Variants in AUTS2 observed in about 807,000 individuals in gnomAD.
The protein encoded by AUTS2 is autism susceptibility gene 2 protein.
Under a neutral mutation model 112.4 loss-of-function variants are expected in AUTS2, and 17 were observed. That is an observed-to-expected ratio of 0.15 (90% CI 0.10 to 0.23). The LOEUF is 0.23. Among genes scored for constraint, AUTS2 ranks in the 10% least tolerant of loss-of-function variants. AUTS2 has a pLI of 1.00. For synonymous variants in AUTS2, 751 were observed against 702.7 expected (o/e 1.07, Z -1.09); for missense variants, 1,510 against 1,701.6 (o/e 0.89, Z 1.98).
intron 4 of AUTS2, among the ~76,000 whole-genome samples, chr7:70,364,392 G>A (rs1792459740): frequency 1.3e-5 from 2 of 151,748 alleles, no homozygotes; most frequent in South Asian, 4.2e-4. Context: ...GTGAAACCCA[G>A]TCTCTACTAA....
At chr7:69,859,280 G>T (rs1168700015) in intron 1 of AUTS2, among the ~76,000 whole-genome samples, 3 of 152,208 alleles carry the variant, frequency 2.0e-5, no homozygotes, top group Non-Finnish European at 4.4e-5. Flanking sequence ...AAGAAATAAA[G>T]TTAGAGGTGA....
At chr7:69,729,975 TTTTGTTGTTGTTGTTTTAA>T (rs1786709630) in intron 1 of AUTS2, among the ~76,000 whole-genome samples, 2 of 150,128 alleles carry the variant, frequency 1.3e-5, no homozygotes, top group East Asian at 3.9e-4. Flanking sequence ...GTATGTTTTT[TTTTGTTGTTGTTGTTTTAA>T]TTTTTTTTTT....
intron 4 of AUTS2, among the ~76,000 whole-genome samples, chr7:70,194,228 G>T (rs1431433728): frequency 6.6e-6 from 1 of 152,194 alleles, no homozygotes; most frequent in East Asian, 1.9e-4. Context: ...TGGCCAACAT[G>T]GTGAAACCCT....
chr7:69,823,737 C>G (rs1007909110), intron 1 of AUTS2, among the ~76,000 whole-genome samples: 29 of 151,760 alleles, frequency 1.9e-4, no homozygotes, highest in African/African-American at 7.0e-4. Context: ...GAAGCACTTA[C>G]TGAATACAGG....
At chr7:70,596,782 G>A (rs910632020) in intron 5 of AUTS2, 2 of 152,114 alleles carry the variant, frequency 1.3e-5, no homozygotes, top group East Asian at 1.9e-4. Flanking sequence ...TAGAGAAGAG[G>A]ACCCAACTCC....
chr7:70,285,672 A>G (rs773879994), intron 4 of AUTS2, among the ~76,000 whole-genome samples: 6 of 152,214 alleles, frequency 3.9e-5, no homozygotes, highest in Non-Finnish European at 5.9e-5. Context: ...CATCTGGGTC[A>G]TACATTGACA....
chr7:70,218,721 G>A (rs1368792120), intron 4 of AUTS2, among the ~76,000 whole-genome samples: 1 of 152,118 alleles, frequency 6.6e-6, no homozygotes, highest in Non-Finnish European at 1.5e-5. Flanking sequence ...TTACAACATG[G>A]CACCTACTTT....
intron 1 of AUTS2, among the ~76,000 whole-genome samples, chr7:69,787,428 A>C (rs908457187): frequency 6.6e-6 from 1 of 152,236 alleles, no homozygotes; most frequent in African/African-American, 2.4e-5. Flanking sequence ...TCTCTAAAGC[A>C]CTTAAAGTCT....
rs186116374 is a variant in AUTS2 at position 70,742,631 on chromosome 7, G to A, written c.743-20239G>A. The stretch of plus-strand genomic sequence containing the variant: ...TACAAAATTAGCCTGGCGTGGTGGC[G>A]CGTGCCTGTAATCCCAGCTACTCAG... On this transcript the variant is annotated intron_variant, in intron 6 of 18. Coordinates refer to ENST00000342771, the MANE Select transcript of AUTS2 (RefSeq NM_015570.4). Among the ~76,000 whole-genome samples the A allele has an allele frequency of 4.0e-3, 615 of 152,152 alleles. 6 individuals carry two copies. Among genetic ancestry groups the A allele is most frequent in the Non-Finnish European group, 7.1e-3 (486 of 67,994 alleles).
chr7:70,723,986 G>A (rs936553986), intron 6 of AUTS2, among the ~76,000 whole-genome samples: 4 of 151,796 alleles, frequency 2.6e-5, no homozygotes, highest in Admixed American at 2.0e-4. Context: ...TCCACCTCCC[G>A]GTTCAAGCAG....
At chr7:70,315,853 T>C (rs1486966495) in intron 4 of AUTS2, among the ~76,000 whole-genome samples, 1 of 152,188 alleles carries the variant, frequency 6.6e-6, no homozygotes, top group Non-Finnish European at 1.5e-5. Context: ...GCTTAGATTA[T>C]TGTTCTGGCA....
chr7:70,718,028 C>T (rs1447790587), intron 6 of AUTS2, among the ~76,000 whole-genome samples: 1 of 152,140 alleles, frequency 6.6e-6, no homozygotes, highest in Non-Finnish European at 1.5e-5. Context: ...CCTTAGCTTA[C>T]CTCTTGAAGC....
chr7:69,601,740 A>C (rs1399308599), intron 1 of AUTS2, among the ~76,000 whole-genome samples: 1 of 152,016 alleles, frequency 6.6e-6, no homozygotes, highest in Non-Finnish European at 1.5e-5. Flanking sequence ...TGTGGCTTTA[A>C]GTTTGCCAAG....
intron 5 of AUTS2, among the ~76,000 whole-genome samples, chr7:70,582,936 T>C (rs1370449262): frequency 6.6e-6 from 1 of 152,256 alleles, no homozygotes; most frequent in Non-Finnish European, 1.5e-5. Context: ...ACAATTTTTT[T>C]TGGCTTTTCC....
At chr7:70,729,338 C>A in intron 6 of AUTS2, 1 of 336,076 alleles carries the variant, frequency 3.0e-6, no homozygotes. Flanking sequence ...CTGGTAATAG[C>A]CTGGCCTGTA....
chr7:70,496,540 G>T (rs13308491), intron 5 of AUTS2, among the ~76,000 whole-genome samples: 729 of 57,832 alleles, frequency 0.013, 15 homozygotes, highest in African/African-American at 0.049. Context: ...CACACACCAC[G>T]TACACAGTCA....
chr7:70,553,914 C>A (rs960462101), intron 5 of AUTS2, among the ~76,000 whole-genome samples: 1 of 145,662 alleles, frequency 6.9e-6, no homozygotes, highest in Non-Finnish European at 1.5e-5. Flanking sequence ...ATTACAGGCA[C>A]GCGCCACCAC....
intron 2 of AUTS2, among the ~76,000 whole-genome samples, chr7:70,072,347 T>C (rs1802813617): frequency 6.6e-6 from 1 of 152,178 alleles, no homozygotes; most frequent in South Asian, 2.1e-4. Flanking sequence ...TTGTTTGGAA[T>C]GTGCCTGTGG....
rs111211654 is a variant in AUTS2 at position 70,004,137 on chromosome 7, A to T, written c.522+104639A>T. ...AATGTGTTATATGTGAATATATATA[A>T]TATATATGAATGTGTTATATGTGAA... is the stretch of plus-strand genomic sequence containing the variant. On this transcript the variant is annotated intron_variant, in intron 2 of 18. Transcript: ENST00000342771. Among the ~76,000 whole-genome samples the T allele has an allele frequency of 4.2e-3, 229 of 54,734 alleles. 1 individual carries two copies. Among genetic ancestry groups the T allele is most frequent in the Middle Eastern group, 0.071 (2 of 28 alleles). 35.9% of individuals were successfully genotyped at this position (54,734 alleles called of 152,430 possible).
Sources: allele counts gnomAD v4.1 joint callset (sites outside exome capture counted in the v4.1 genomes callset), GRCh38; gene constraint gnomAD v4.1.1; transcripts MANE v1.5; gene names NCBI Gene and HGNC (gene_info 2026-07-23, HGNC 2026-07-21).